The following ACSL4 variants were observed in gnomAD, a reference collection of about 807,000 sequenced individuals.
The protein encoded by ACSL4 is long-chain-fatty-acid--CoA ligase 4.
ACSL4 carries 9 observed loss-of-function variants against 49.1 expected under a neutral mutation model. That is an observed-to-expected ratio of 0.18 (90% CI 0.11 to 0.32). ACSL4 has a LOEUF of 0.32. Ranked by LOEUF, ACSL4 falls within the 10% of genes least tolerant of loss-of-function variation. The probability of loss-of-function intolerance (pLI) is 1.00; values close to 1 mark genes in which losing one functional copy is unlikely to be tolerated. For synonymous variants in ACSL4, 191 were observed against 170.3 expected, an observed-to-expected ratio of 1.12 and a Z score of -0.95; for missense variants, 333 against 493.7, an observed-to-expected ratio of 0.67 and a Z score of 3.08.
chrX:109,667,240 G>GC (rs1473908793), intron 11 of ACSL4, among the ~76,000 whole-genome samples: 1 of 112,231 alleles, frequency 8.9e-6, no homozygotes, highest in African/African-American at 3.2e-5. Context: ...AAGTGATTTT[G>GC]CCCCCCAGGG....
intron 1 of ACSL4, among the ~76,000 whole-genome samples, chrX:109,719,025 C>G (rs1173389998): frequency 9.0e-6 from 1 of 111,382 alleles, no homozygotes; most frequent in African/African-American, 3.3e-5. Flanking sequence ...ACTTCCTCTT[C>G]CTCAGTTGAA....
intron 15 of ACSL4, among the ~76,000 whole-genome samples, chrX:109,647,569 C>T (rs1384390755): frequency 9.0e-6 from 1 of 111,506 alleles, no homozygotes; most frequent in Non-Finnish European, 1.9e-5. Context: ...CAAGAGAAAG[C>T]AGGAAAGATC....
intron 1 of ACSL4, among the ~76,000 whole-genome samples, chrX:109,702,920 T>C (rs1569437117): frequency 9.0e-6 from 1 of 111,669 alleles, no homozygotes; most frequent in Non-Finnish European, 1.9e-5. Context: ...ATCTTCCTCA[T>C]AGAAGAATTC....
chrX:109,720,426 C>A (rs1483592439), intron 1 of ACSL4, among the ~76,000 whole-genome samples: 1 of 111,297 alleles, frequency 9.0e-6, no homozygotes. Flanking sequence ...TTTTTAAAAA[C>A]CTGCTTCCAC....
intron 10 of ACSL4, 70 bp from the exon 11 acceptor site, chrX:109,668,343 G>A: frequency 1.0e-6 from 1 of 958,272 alleles, no homozygotes. Context: ...TAATTTATAA[G>A]CTCTGGGAAA....
intron 2 of ACSL4, among the ~76,000 whole-genome samples, chrX:109,691,559 G>C (rs1466933754): frequency 1.8e-5 from 2 of 111,988 alleles, no homozygotes; most frequent in African/African-American, 6.5e-5. Flanking sequence ...AGCTCAACTA[G>C]GTTGAGTCAG....
At position 109,664,520 on chromosome X, in the gene ACSL4, T is replaced by C. The variant is rs186432029; in HGVS notation, c.1390+900A>G. Among the ~76,000 whole-genome samples, 410 of 112,097 alleles carry C rather than the reference T, an allele frequency of 3.7e-3. 2 individuals are homozygous for C. The highest frequency in any genetic ancestry group is 0.012 in the African/African-American group (381 of 30,900). On this transcript the variant is annotated intron_variant, in intron 12 of 15. Coordinates refer to ENST00000672401, the MANE Select transcript of ACSL4 (RefSeq NM_001318510.2). ...TCCCAAGGTGTAAAACTCTTGGGAA[T>C]GCAACTGGCTTTTTAAAATGTGTTT...
intron 15 of ACSL4, among the ~76,000 whole-genome samples, chrX:109,649,354 G>A (rs1268423947): frequency 9.0e-6 from 1 of 111,025 alleles, no homozygotes; most frequent in Non-Finnish European, 1.9e-5. Context: ...CAGAACAGAG[G>A]CCTCACAAAT....
In ACSL4 at chrX:109,716,436, C is replaced by G. The variant is rs192953010; in HGVS notation, c.-66+16703G>C. Among the ~76,000 whole-genome samples the G allele has an allele frequency of 3.6e-3, 404 of 111,854 alleles. 3 individuals are homozygous for G. Among genetic ancestry groups the G allele is most frequent in the African/African-American group, 0.012 (367 of 30,805 alleles). On this transcript the variant is annotated intron_variant, in intron 1 of 15. Transcript: ENST00000672401. ...TTGGGGCAAGGAAAAGTATGCAAAG[C>G]CAAAGGATGAAAGTGAGGTTCTGAA...
chrX:109,644,235 A>T, intron 15 of ACSL4, 49 bp from the exon 16 acceptor site: 1 of 1,126,175 alleles, frequency 8.9e-7, no homozygotes, highest in Middle Eastern at 2.4e-4. Flanking sequence ...GGGGAAAGAG[A>T]CGAGAAAGGA....
At chrX:109,700,821 G>A (rs933150022) in intron 1 of ACSL4, among the ~76,000 whole-genome samples, 3 of 110,048 alleles carry the variant, frequency 2.7e-5, no homozygotes, top group African/African-American at 9.9e-5. Context: ...GAGGCGGGCG[G>A]ATCATGAGGT....
intron 15 of ACSL4, among the ~76,000 whole-genome samples, chrX:109,648,612 C>A (rs1463448544): frequency 9.0e-6 from 1 of 111,661 alleles, no homozygotes; most frequent in Non-Finnish European, 1.9e-5. Flanking sequence ...TGAAAACCAG[C>A]ACAAGACAGG....
chrX:109,719,247 A>C (rs1569442849), intron 1 of ACSL4, among the ~76,000 whole-genome samples: 1 of 111,740 alleles, frequency 8.9e-6, no homozygotes, highest in Non-Finnish European at 1.9e-5. Flanking sequence ...TTATGTAACC[A>C]AACAAAAATG....
intron 1 of ACSL4, among the ~76,000 whole-genome samples, chrX:109,700,826 T>C (rs1050315073): frequency 1.5e-4 from 17 of 110,113 alleles, no homozygotes; most frequent in Non-Finnish European, 3.0e-4. Flanking sequence ...GGGCGGATCA[T>C]GAGGTCAGGA....
At chrX:109,659,121 G>A (rs1319991020) in intron 15 of ACSL4, among the ~76,000 whole-genome samples, 1 of 112,137 alleles carries the variant, frequency 8.9e-6, no homozygotes, top group African/African-American at 3.2e-5. Flanking sequence ...ACACAGGCTA[G>A]ATGACCACTT....
chrX:109,697,988 T>A (rs770441593), intron 1 of ACSL4, among the ~76,000 whole-genome samples: 1 of 110,682 alleles, frequency 9.0e-6, no homozygotes, highest in African/African-American at 3.3e-5. Flanking sequence ...ACTCCATAAA[T>A]AAATATTTGC....
Position 109,647,807 on chromosome X carries a change from A to G in ACSL4, c.1856-3621T>C, listed in dbSNP as rs765382228. Among the ~76,000 whole-genome samples, 7 of 111,177 alleles carry G rather than the reference A, an allele frequency of 6.3e-5. No homozygotes were observed. The East Asian group carries it at 2.0e-3, about 31-fold the overall frequency. On this transcript the variant is annotated intron_variant, in intron 15 of 15. Coordinates refer to ENST00000672401, the MANE Select transcript of ACSL4 (RefSeq NM_001318510.2). ...CTAATAAAGAAAAAAAGAGAGAAGA[A>G]TCAAATAGACGCAATAAAAAATGAT... is the stretch of plus-strand genomic sequence containing the variant.
intron 1 of ACSL4, among the ~76,000 whole-genome samples, chrX:109,724,179 C>T (rs1320654920): frequency 8.9e-6 from 1 of 111,992 alleles, no homozygotes; most frequent in East Asian, 2.8e-4. Context: ...GTATGGCAAA[C>T]ATTTCACCTT....
At chrX:109,675,595 A>G (rs977842412) in intron 8 of ACSL4, among the ~76,000 whole-genome samples, 1 of 111,782 alleles carries the variant, frequency 8.9e-6, no homozygotes, top group Admixed American at 9.5e-5. Flanking sequence ...ACAGACTCCA[A>G]CTGTCCCTCC....
Sources: gnomAD v4.1 joint callset for allele counts (sites outside exome capture counted in the v4.1 genomes callset) on GRCh38, gnomAD v4.1.1 for gene constraint, MANE v1.5 for transcripts, NCBI Gene and HGNC (gene_info 2026-07-23, HGNC 2026-07-21) for gene names.